FRY: variants seen among roughly 807,000 people sequenced by gnomAD.
The protein encoded by FRY is FRY microtubule binding protein, also known as protein furry homolog.
In FRY, 128 loss-of-function variants were observed where a neutral mutation model predicts 348.4. The ratio of observed to expected loss-of-function variants is 0.37; its 90% CI spans 0.32 to 0.43. The LOEUF is 0.43. Among genes scored for constraint, FRY ranks in the 20% least tolerant of loss-of-function variants. The pLI is 1.00. For missense variants in FRY, 2,736 were observed against 3,695.2 expected (o/e 0.74, Z 6.73); for synonymous variants, 1,370 against 1,374.7 (o/e 1.00, Z 0.08).
intron 1 of FRY, among the ~76,000 whole-genome samples, chr13:32,071,754 G>A (rs1362914040): frequency 6.6e-6 from 1 of 152,126 alleles, no homozygotes; most frequent in African/African-American, 2.4e-5. Context: ...TTGCTAATCA[G>A]TGGATATAAA....
intron 17 of FRY, among the ~76,000 whole-genome samples, chr13:32,167,641 C>T (rs1881813592): frequency 1.3e-5 from 2 of 152,098 alleles, no homozygotes; most frequent in African/African-American, 4.8e-5. Context: ...GTGGGAGACA[C>T]AAAATTATGA....
intron 17 of FRY, among the ~76,000 whole-genome samples, chr13:32,164,712 C>T (rs1881636623): frequency 1.3e-5 from 2 of 152,194 alleles, no homozygotes; most frequent in African/African-American, 4.8e-5. Flanking sequence ...GTGCTTCCTT[C>T]CCATTCTCTG....
In FRY at chr13:32,265,470, G is replaced by A. The variant is rs754798285; in HGVS notation, c.7800G>A (p.Glu2600=). ...EGSKAEAVRE[E]EDTTVHEDDL... ...TCCAGGCTGAAGCTGTTCGTGAGGAGGAGGACACCACCGTGCATGAGGATG... is the reference window on the plus strand; with the variant it reads ...TCCAGGCTGAAGCTGTTCGTGAGGAAGAGGACACCACCGTGCATGAGGATG... The change falls in exon 54 of 61, where the codon GAG becomes GAA. Residue 2600 remains glutamate, a synonymous_variant. Coordinates refer to ENST00000542859, the MANE Select transcript of FRY (RefSeq NM_023037.3). The A allele has an allele frequency of 5.1e-5, 82 of 1,614,032 alleles. 1 individual carries two copies. In the South Asian group the frequency reaches 8.7e-4, roughly 17 times the overall value.
At chr13:32,113,396 A>G (rs986816557) in intron 3 of FRY, among the ~76,000 whole-genome samples, 7 of 152,256 alleles carry the variant, frequency 4.6e-5, no homozygotes, top group Non-Finnish European at 8.8e-5. Flanking sequence ...GTATAATGAA[A>G]TGCTTATGAA....
intron 29 of FRY, among the ~76,000 whole-genome samples, chr13:32,199,094 T>C (rs1883855790): frequency 6.6e-6 from 1 of 152,176 alleles, no homozygotes; most frequent in South Asian, 2.1e-4. Context: ...GGTGGGCCCT[T>C]GGGGTCAACA....
intron 3 of FRY, among the ~76,000 whole-genome samples, chr13:32,106,308 GACTGTAATTTATTGTTTCTGAC>G (rs1299412890): frequency 1.3e-5 from 2 of 151,676 alleles, no homozygotes; most frequent in Non-Finnish European, 2.9e-5. Context: ...AAGGAGCCAA[GACTGTAATTTATTGTTTCTGAC>G]AATACAGCCT....
At chr13:32,063,404 C>T (rs922021526) in intron 1 of FRY, among the ~76,000 whole-genome samples, 8 of 152,170 alleles carry the variant, frequency 5.3e-5, no homozygotes, top group Admixed American at 4.6e-4. Flanking sequence ...GCCCAGATAA[C>T]AGTATGGGAA....
chr13:32,249,650 T>C lies in FRY; in HGVS notation c.7133T>C (p.Leu2378Pro). Reference sequence around the variant, plus strand: ...TCCTCAGGCTCCAACTCCAACGTCCTTGTTCCAGTGAGCTGGAAAAGGCCC... The same window carrying C: ...TCCTCAGGCTCCAACTCCAACGTCCCTGTTCCAGTGAGCTGGAAAAGGCCC... Reference protein sequence around the residue: ...STSSGSNSNVLVPVSWKRPQY... With the variant: ...STSSGSNSNVPVPVSWKRPQY... The change falls in exon 49 of 61, where the codon CTT becomes CCT. Residue 2378 changes from leucine to proline, a missense_variant. Leu to Pro is a moderately conservative substitution (Grantham distance 98). Transcript: ENST00000542859. The C allele has an allele frequency of 6.2e-7, 1 of 1,614,176 alleles. No homozygotes were observed.
intron 59 of FRY, 43 bp downstream of exon 59, chr13:32,289,786 C>A (rs1889241788): frequency 2.9e-6 from 3 of 1,025,754 alleles, no homozygotes; most frequent in Non-Finnish European, 4.7e-6. Flanking sequence ...ACCACAAAAA[C>A]CATTTCTTTT....
At chr13:32,287,262 G>A (rs1389848335) in intron 58 of FRY, among the ~76,000 whole-genome samples, 1 of 152,012 alleles carries the variant, frequency 6.6e-6, no homozygotes, top group South Asian at 2.1e-4. Flanking sequence ...ACTTGTTTGA[G>A]GGCATACAAT....
At chr13:32,147,168 A>G in intron 11 of FRY, 114 bp from the exon 12 acceptor site, 1 of 695,552 alleles carries the variant, frequency 1.4e-6, no homozygotes, top group South Asian at 1.5e-5. Flanking sequence ...TCTCATAAGT[A>G]CCCAGCCATC....
rs186727982 is a variant in FRY at position 32,068,985 on chromosome 13, G to A, written c.71-9849G>A. On this transcript the variant is annotated intron_variant, in intron 1 of 60. Transcript: ENST00000542859. ...GGCTGGAGCGCAGTGGCCTGTTCTC[G>A]GCTCACTGCAAGCTCCGCCTGCCGG... 3.7e-3 allele frequency among the ~76,000 whole-genome samples: 531 copies of A among 143,856 alleles called. 1 individual carries two copies. The highest frequency in any genetic ancestry group is 0.013 in the African/African-American group (489 of 38,308). 94.4% of individuals were successfully genotyped at this position (143,856 alleles called of 152,430 possible).
intron 2 of FRY, among the ~76,000 whole-genome samples, chr13:32,091,667 C>A (rs1020448232): frequency 1.3e-5 from 2 of 152,224 alleles, no homozygotes; most frequent in Non-Finnish European, 2.9e-5. Context: ...CACCACTAGG[C>A]ATCTTCCCGT....
At position 32,295,238 on chromosome 13, in the gene FRY, T is replaced by C; in HGVS notation, c.8820T>C (p.Ser2940=). 1 of 1,613,876 alleles carries C rather than the reference T, an allele frequency of 6.2e-7. No individual in the cohort carries two copies. The highest frequency in any genetic ancestry group is 8.5e-7 in the Non-Finnish European group (1 of 1,179,772). Residue 2940 remains serine, a synonymous_variant, in exon 61 of 61, where the codon TCT becomes TCC. Transcript: ENST00000542859. ...LWPNDIFGSS[S]DDEVQTLLNI... ...CCAATGACATCTTTGGAAGCAGTTC[T>C]GATGATGAGGTCCAGACACTACTGA... is the stretch of plus-strand genomic sequence containing the variant.
intron 11 of FRY, among the ~76,000 whole-genome samples, chr13:32,140,680 C>T (rs535358991): frequency 6.6e-6 from 1 of 152,088 alleles, no homozygotes; most frequent in Admixed American, 6.5e-5. Flanking sequence ...GGAAGGCAGG[C>T]AAGGGAGGTA....
At chr13:32,032,005 CTTTCTTTCTTTCTTTCTT>C (rs1474961956) in intron 1 of FRY, 140 bp downstream of exon 1, 14 of 611,242 alleles carry the variant, frequency 2.3e-5, no homozygotes, top group South Asian at 1.4e-4. Context: ...TTTTCTCTTT[CTTTCTTTCTTTCTTTCTT>C]TTTCTTTCTT....
At chr13:32,163,286 T>C (rs1881553372) in intron 17 of FRY, among the ~76,000 whole-genome samples, 2 of 152,156 alleles carry the variant, frequency 1.3e-5, no homozygotes, top group South Asian at 4.1e-4. Flanking sequence ...CTAACAGACA[T>C]GGAGGAAGCA....
At position 32,178,188 on chromosome 13, in the gene FRY, A is replaced by G; in HGVS notation, c.2433A>G (p.Pro811=). 6.2e-7 allele frequency: 1 copy of G among 1,614,102 alleles called. No individual in the cohort carries two copies. Among genetic ancestry groups the G allele is most frequent in the Non-Finnish European group, 8.5e-7 (1 of 1,180,006 alleles). ...HVAVSDSATL[P]LTHNVDLQWL... ...TCTTATACCTACAGGCAACATTACC[A>G]CTCACCCACAATGTGGATCTGCAGT... The change falls in exon 21 of 61, where the codon CCA becomes CCG. Residue 811 remains proline, a synonymous_variant. Transcript: ENST00000542859.
intron 47 of FRY, among the ~76,000 whole-genome samples, chr13:32,244,960 T>A (rs989725251): frequency 1.4e-4 from 21 of 150,554 alleles, no homozygotes; most frequent in African/African-American, 5.1e-4. Flanking sequence ...TACAGATTGA[T>A]TTTTTTTTTC....
Sources: gnomAD v4.1 joint callset for allele counts (sites outside exome capture counted in the v4.1 genomes callset) on GRCh38, gnomAD v4.1.1 for gene constraint, MANE v1.5 for transcripts, NCBI Gene and HGNC (gene_info 2026-07-23, HGNC 2026-07-21) for gene names.